Variants in IL2RB observed in about 807,000 individuals in gnomAD.
IL2RB encodes the protein interleukin-2 receptor subunit beta.
A neutral mutation model predicts 44.2 loss-of-function variants in IL2RB; 17 were observed. The observed-to-expected ratio is 0.38, with a 90% confidence interval of 0.26 to 0.58. The LOEUF (loss-of-function observed/expected upper bound fraction) is 0.58. Among genes scored for constraint, IL2RB ranks in the 20% least tolerant of loss-of-function variants. IL2RB has a pLI of 0.63. For missense variants in IL2RB, 624 were observed against 685.5 expected (o/e 0.91, Z 1.00); for synonymous variants, 286 against 297.9 (o/e 0.96, Z 0.41).
intron 1 of IL2RB, among the ~76,000 whole-genome samples, chr22:37,155,331 C>T (rs77333375): frequency 0.02 from 3,074 of 152,298 alleles, 96 homozygotes; most frequent in African/African-American, 0.071. Context: ...GCGGCCAGAG[C>T]AACCTTTCCC....
At chr22:37,130,540 C>G (rs1372213711) in intron 9 of IL2RB, among the ~76,000 whole-genome samples, 1 of 152,232 alleles carries the variant, frequency 6.6e-6, no homozygotes, top group African/African-American at 2.4e-5. Flanking sequence ...GCCTGCTTTG[C>G]CATCCCCAAC....
chr22:37,162,944 G>C (rs1258508832), intron 1 of IL2RB, among the ~76,000 whole-genome samples: 1 of 152,106 alleles, frequency 6.6e-6, no homozygotes, highest in Non-Finnish European at 1.5e-5. Context: ...CTTCCCTTCG[G>C]TTCCACTTCA....
At chr22:37,156,726 G>A (rs1259130489) in intron 1 of IL2RB, among the ~76,000 whole-genome samples, 2 of 152,232 alleles carry the variant, frequency 1.3e-5, no homozygotes, top group South Asian at 2.1e-4. Flanking sequence ...GCTGGGAGAT[G>A]TAGCCAGCTA....
At chr22:37,144,740 T>A (rs1407832566) in intron 1 of IL2RB, among the ~76,000 whole-genome samples, 1 of 151,976 alleles carries the variant, frequency 6.6e-6, no homozygotes, top group East Asian at 1.9e-4. Flanking sequence ...TAAGACTCTG[T>A]CTCAAAGAAA....
chr22:37,131,410 A>G (rs1921420655), intron 9 of IL2RB, among the ~76,000 whole-genome samples: 1 of 152,112 alleles, frequency 6.6e-6, no homozygotes, highest in African/African-American at 2.4e-5. Context: ...AGGGTGGTAA[A>G]AAGTACCCCC....
chr22:37,139,457 G>A lies in IL2RB; in HGVS notation c.283-235C>T, dbSNP rs115919477. Among the ~76,000 whole-genome samples, 1,296 of 152,312 alleles carry A rather than the reference G, an allele frequency of 8.5e-3. 19 individuals carry two copies. The highest frequency in any genetic ancestry group is 0.03 in the African/African-American group (1,228 of 41,556). On this transcript the variant is annotated intron_variant, in intron 4 of 9. Transcript: ENST00000216223. ...GCCACTGTAGTATGAAGCAGACGTA[G>A]GCAACATGTAAATGAATATTAGGGC...
intron 1 of IL2RB, among the ~76,000 whole-genome samples, chr22:37,169,493 G>A (rs1923202694): frequency 6.6e-6 from 1 of 152,178 alleles, no homozygotes; most frequent in African/African-American, 2.4e-5. Flanking sequence ...GAGCATCCTT[G>A]CACACAACTC....
intron 8 of IL2RB, among the ~76,000 whole-genome samples, chr22:37,133,396 G>A (rs1921526652): frequency 6.6e-6 from 1 of 152,208 alleles, no homozygotes; most frequent in Admixed American, 6.5e-5. Flanking sequence ...CAGGACGAGG[G>A]TCAGGAGAGC....
intron 1 of IL2RB, among the ~76,000 whole-genome samples, chr22:37,160,681 A>C (rs1922830399): frequency 8.5e-5 from 1 of 11,712 alleles, no homozygotes; most frequent in South Asian, 3.3e-3. Context: ...GTCTATGCCA[A>C]AAAAAAAAAA....
intron 1 of IL2RB, among the ~76,000 whole-genome samples, chr22:37,174,044 G>C (rs5756535): frequency 0.62 from 93,883 of 152,034 alleles, 31,795 homozygotes; most frequent in South Asian, 0.78. Flanking sequence ...GTGGGACTCT[G>C]ATCTTGCCTG....
intron 1 of IL2RB, among the ~76,000 whole-genome samples, chr22:37,144,735 C>T (rs1022229521): frequency 6.6e-6 from 1 of 152,122 alleles, no homozygotes; most frequent in African/African-American, 2.4e-5. Context: ...CAGAGTAAGA[C>T]TCTGTCTCAA....
Position 37,128,602 on chromosome 22 carries a change from A to C in IL2RB, c.1150T>G (p.Tyr384Asp). The change falls in exon 10 of 10, where the codon TAC becomes GAC. Residue 384 changes from tyrosine to aspartate, a missense_variant. Tyr to Asp is a radical substitution (Grantham distance 160). Transcript: ENST00000216223. The surrounding 1 kb of genome is among the most constrained non-coding windows in gnomAD (Gnocchi z 4.5). ...EIEACQVYFT[Y>D]DPYSEEDPDE... ...GGGTCTTCCTCTGAGTAGGGGTCGT[A>C]AGTAAAGTACACCTGGCAGGCCTCT... 1 of 1,614,060 alleles carries C rather than the reference A, an allele frequency of 6.2e-7. No individual in the cohort carries two copies. Among genetic ancestry groups the C allele is most frequent in the South Asian group, 1.1e-5 (1 of 91,090 alleles).
chr22:37,163,676 G>GCC (rs36036092), intron 1 of IL2RB, among the ~76,000 whole-genome samples: 5 of 152,206 alleles, frequency 3.3e-5, no homozygotes, highest in African/African-American at 1.2e-4. Flanking sequence ...CCGCCCTGAG[G>GCC]CCCCCCATTC....
intron 4 of IL2RB, 96 bp from the exon 5 acceptor site, chr22:37,139,318 C>T (rs1921854712): frequency 1.3e-6 from 1 of 763,066 alleles, no homozygotes; most frequent in South Asian, 1.6e-5. Flanking sequence ...GGCAGCCTCT[C>T]CACATGCCCC....
chr22:37,173,033 C>T (rs1323308863), intron 1 of IL2RB, among the ~76,000 whole-genome samples: 5 of 152,204 alleles, frequency 3.3e-5, no homozygotes, highest in Non-Finnish European at 7.3e-5. Context: ...TGGACAAGAT[C>T]GAATATCCCA....
At chr22:37,170,076 AGAAGGAAGGAAGAATGGAT>A (rs1432256691) in intron 1 of IL2RB, among the ~76,000 whole-genome samples, 2,710 of 15,768 alleles carry the variant, frequency 0.17, 76 homozygotes, top group African/African-American at 0.18. Context: ...AGGATGGGGG[AGAAGGAAGGAAGAATGGAT>A]GGATGGATGG....
At chr22:37,146,435 C>G (rs1045913583) in intron 1 of IL2RB, among the ~76,000 whole-genome samples, 9 of 152,196 alleles carry the variant, frequency 5.9e-5, no homozygotes, top group African/African-American at 2.2e-4. Context: ...CCAAAGCACA[C>G]ACACACCGCA....
rs766866943 is a variant in IL2RB at position 37,137,566 on chromosome 22, C to A, written c.537+21G>T. The A allele has an allele frequency of 2.5e-6, 4 of 1,612,984 alleles. No individual in the cohort carries two copies. The East Asian group carries it at 8.9e-5, about 36-fold the overall frequency. ...CAGGAAGGAGGAACCAAGGCAGGTA[C>A]GGACTGGGCCACATTCTCACCTCCC... On this transcript the variant is annotated intron_variant, in intron 6 of 9. Coordinates refer to ENST00000216223, the MANE Select transcript of IL2RB (RefSeq NM_000878.5).
chr22:37,147,891 C>G (rs993147131), intron 1 of IL2RB, among the ~76,000 whole-genome samples: 5 of 152,246 alleles, frequency 3.3e-5, no homozygotes, highest in Admixed American at 6.5e-5. Flanking sequence ...ATAGCCCAAC[C>G]AGGGGACTCC....
Sources: allele counts gnomAD v4.1 joint callset (sites outside exome capture counted in the v4.1 genomes callset), GRCh38; gene constraint gnomAD v4.1.1; non-coding constraint Gnocchi (gnomAD v3.1); transcripts MANE v1.5; gene names NCBI Gene and HGNC (gene_info 2026-07-23, HGNC 2026-07-21).